The following TBK1 variants were observed in gnomAD, a reference collection of about 807,000 sequenced individuals.
TBK1 encodes the protein serine/threonine-protein kinase TBK1.
In TBK1, 37 loss-of-function variants were observed where a neutral mutation model predicts 99.9. The observed-to-expected ratio is 0.37, with a 90% confidence interval of 0.28 to 0.49. The LOEUF (loss-of-function observed/expected upper bound fraction) is 0.49. Among genes scored for constraint, TBK1 ranks in the 20% least tolerant of loss-of-function variants. The probability of loss-of-function intolerance (pLI) is 0.98; values close to 1 mark genes in which losing one functional copy is unlikely to be tolerated. For missense variants in TBK1, 644 were observed against 872.5 expected (o/e 0.74, Z 3.30); for synonymous variants, 258 against 279.8 (o/e 0.92, Z 0.78).
intron 1 of TBK1, 180 bp downstream of exon 1, chr12:64,452,367 A>C (rs1299917848): frequency 6.6e-6 from 1 of 150,438 alleles, no homozygotes; most frequent in Non-Finnish European, 1.5e-5. Context: ...GCCATCCAGG[A>C]CCCCGGCTGC....
intron 5 of TBK1, among the ~76,000 whole-genome samples, chr12:64,470,915 C>G (rs2040655634): frequency 6.6e-6 from 1 of 152,162 alleles, no homozygotes; most frequent in Non-Finnish European, 1.5e-5. Flanking sequence ...TAAATTAATT[C>G]CAAGTCTGTG....
At chr12:64,457,308 C>T (rs188769518) in intron 2 of TBK1, among the ~76,000 whole-genome samples, 64 of 152,270 alleles carry the variant, frequency 4.2e-4, no homozygotes, top group Non-Finnish European at 6.6e-4. Flanking sequence ...TTTAGCTTTC[C>T]TCCCCCTGTA....
At chr12:64,500,681 A>G (rs560699211) in intron 20 of TBK1, among the ~76,000 whole-genome samples, 68 of 152,080 alleles carry the variant, frequency 4.5e-4, no homozygotes, top group African/African-American at 1.5e-3. Flanking sequence ...CTGCTCCCCA[A>G]AATAACATTG....
At chr12:64,476,340 A>G (rs1021023730) in intron 6 of TBK1, among the ~76,000 whole-genome samples, 1 of 150,726 alleles carries the variant, frequency 6.6e-6, no homozygotes, top group Non-Finnish European at 1.5e-5. Flanking sequence ...TGTATTTTTT[A>G]GTAGAGACGG....
At chr12:64,490,249 G>A (rs981246971) in intron 13 of TBK1, 130 bp downstream of exon 13, 9 of 508,968 alleles carry the variant, frequency 1.8e-5, no homozygotes, top group South Asian at 3.9e-5. Flanking sequence ...TCAGGAGGCC[G>A]AGGCAGGAGG....
chr12:64,453,058 A>T (rs1259041448), intron 1 of TBK1, among the ~76,000 whole-genome samples: 2 of 152,222 alleles, frequency 1.3e-5, no homozygotes, highest in Non-Finnish European at 2.9e-5. Context: ...TGAAGACGGC[A>T]TCATCAGCAA....
intron 13 of TBK1, among the ~76,000 whole-genome samples, chr12:64,494,148 C>T (rs2040900708): frequency 1.3e-5 from 2 of 151,944 alleles, no homozygotes; most frequent in African/African-American, 4.8e-5. Flanking sequence ...AGCATAAAAA[C>T]CGAGATATAT....
At chr12:64,457,651 A>T (rs61396007) in intron 2 of TBK1, among the ~76,000 whole-genome samples, 14,699 of 152,218 alleles carry the variant, frequency 0.097, 852 homozygotes, top group Middle Eastern at 0.21. Flanking sequence ...AGCTGATGGG[A>T]TGAGAGATAG....
intron 5 of TBK1, among the ~76,000 whole-genome samples, chr12:64,468,073 AG>A (rs1040024780): frequency 1.3e-5 from 2 of 152,132 alleles, no homozygotes; most frequent in Admixed American, 6.6e-5. Flanking sequence ...CTGTACACCC[AG>A]CTACTCAGGA....
chr12:64,485,832 TA>T, intron 10 of TBK1, 93 bp from the exon 11 acceptor site: 2 of 855,086 alleles, frequency 2.3e-6, no homozygotes, highest in Non-Finnish European at 3.5e-6. Flanking sequence ...ATTAACCTGA[TA>T]AAAATGTGTA....
At chr12:64,492,576 G>C (rs543293603) in intron 13 of TBK1, among the ~76,000 whole-genome samples, 1 of 152,182 alleles carries the variant, frequency 6.6e-6, no homozygotes, top group African/African-American at 2.4e-5. Flanking sequence ...AAAGTGCTGG[G>C]ATTACAGGCA....
intron 3 of TBK1, among the ~76,000 whole-genome samples, chr12:64,464,104 C>T (rs1191351140): frequency 1.3e-5 from 2 of 152,078 alleles, no homozygotes; most frequent in East Asian, 3.9e-4. Flanking sequence ...CCTCGTGATC[C>T]GCCCACCTCA....
At position 64,482,018 on chromosome 12, in the gene TBK1, A is replaced by G; in HGVS notation, c.989A>G (p.Asn330Ser). 1 of 1,533,126 alleles carries G rather than the reference A, an allele frequency of 6.5e-7. No individual in the cohort carries two copies. Among genetic ancestry groups the G allele is most frequent in the Non-Finnish European group, 8.8e-7 (1 of 1,135,574 alleles). 95.0% of individuals were successfully genotyped at this position (1,533,126 alleles called of 1,614,324 possible). The change falls in exon 8 of 21, where the codon AAT becomes AGT. Residue 330 changes from asparagine (N) to serine (S), a missense_variant. Asn to Ser is a conservative substitution (Grantham distance 46, BLOSUM62 1). Coordinates refer to ENST00000331710, the MANE Select transcript of TBK1 (RefSeq NM_013254.4). Reference sequence around the variant, plus strand: ...CATAAGATTTATATTCATAGCTATAATACGTAAGTATCTCTATTTTCTTCT... The same window carrying G: ...CATAAGATTTATATTCATAGCTATAGTACGTAAGTATCTCTATTTTCTTCT... ...TAHKIYIHSYNTATIFHELVY... is the reference protein window; with the variant it reads ...TAHKIYIHSYSTATIFHELVY...
chr12:64,465,264 A>AAAAAAAAAAG (rs1555202820), intron 4 of TBK1, among the ~76,000 whole-genome samples: 7 of 150,518 alleles, frequency 4.7e-5, no homozygotes, highest in African/African-American at 1.2e-4. Context: ...AAAAAAAAAA[A>AAAAAAAAAAG]CAAGTGTTGG....
intron 6 of TBK1, 43 bp downstream of exon 6, chr12:64,474,433 A>T (rs748927066): frequency 6.4e-7 from 1 of 1,565,586 alleles, no homozygotes; most frequent in Non-Finnish European, 8.7e-7. Context: ...CATTTAAAAA[A>T]TGATTTCTGT....
intron 1 of TBK1, among the ~76,000 whole-genome samples, chr12:64,454,979 T>C (rs986630814): frequency 9.4e-6 from 1 of 106,538 alleles, no homozygotes; most frequent in Non-Finnish European, 1.9e-5. Context: ...GCCCGGCCAA[T>C]TTTTTTTTTT....
At chr12:64,483,304 CA>C (rs903429042) in intron 8 of TBK1, among the ~76,000 whole-genome samples, 1 of 152,026 alleles carries the variant, frequency 6.6e-6, no homozygotes, top group Admixed American at 6.6e-5. Flanking sequence ...AAATTAAAAA[CA>C]AAAAATTTTC....
intron 9 of TBK1, 138 bp downstream of exon 9, chr12:64,484,637 A>G: frequency 1.3e-6 from 1 of 766,320 alleles, no homozygotes; most frequent in Admixed American, 3.2e-5. Flanking sequence ...CTGTAGTCCC[A>G]GCTGCATGGG....
chr12:64,468,472 C>T (rs1445480444), intron 5 of TBK1, among the ~76,000 whole-genome samples: 4 of 148,622 alleles, frequency 2.7e-5, no homozygotes, highest in Non-Finnish European at 5.9e-5. Flanking sequence ...GCCTGGGTGA[C>T]AGAGCGAGAC....
Sources: gnomAD v4.1 joint callset for allele counts (sites outside exome capture counted in the v4.1 genomes callset) on GRCh38, gnomAD v4.1.1 for gene constraint, MANE v1.5 for transcripts, NCBI Gene and HGNC (gene_info 2026-07-23, HGNC 2026-07-21) for gene names.